CSMD2: variants seen among roughly 807,000 people sequenced by gnomAD.
The protein encoded by CSMD2 is CUB and Sushi multiple domains 2, also known as CUB and sushi domain-containing protein 2.
CSMD2 carries 130 observed loss-of-function variants against 398.5 expected under a neutral mutation model. That is an observed-to-expected ratio of 0.33 (90% CI 0.28 to 0.38). The LOEUF (loss-of-function observed/expected upper bound fraction) is 0.38. CSMD2 is among the 10% of genes least tolerant of loss of function. The pLI, the probability that CSMD2 is intolerant of heterozygous loss-of-function variation, is 1.00. For synonymous variants in CSMD2, 1,828 were observed against 1,908.5 expected, an observed-to-expected ratio of 0.96 and a Z score of 1.10; for missense variants, 3,829 against 4,764.9, an observed-to-expected ratio of 0.80 and a Z score of 5.78.
intron 1 of CSMD2, among the ~76,000 whole-genome samples, chr1:34,148,829 ACT>A (rs1342133579): frequency 6.6e-6 from 1 of 152,110 alleles, no homozygotes; most frequent in Non-Finnish European, 1.5e-5. Context: ...TGCTTCTCAG[ACT>A]CTCACAGGCA....
chr1:33,945,819 C>T (rs543715058), intron 3 of CSMD2, among the ~76,000 whole-genome samples: 31 of 152,202 alleles, frequency 2.0e-4, no homozygotes, highest in Middle Eastern at 3.4e-3. Flanking sequence ...CGATCTGCCC[C>T]GACAGCACCC....
At chr1:33,674,410 A>G (rs1035462440) in intron 25 of CSMD2, among the ~76,000 whole-genome samples, 4 of 152,176 alleles carry the variant, frequency 2.6e-5, no homozygotes, top group Admixed American at 2.0e-4. Context: ...GGAGCTAACT[A>G]TCCTAAATAT....
chr1:33,526,044 T>C (rs1654745805), intron 65 of CSMD2, among the ~76,000 whole-genome samples: 1 of 152,238 alleles, frequency 6.6e-6, no homozygotes, highest in Non-Finnish European at 1.5e-5. Context: ...AGATGATGGG[T>C]ATGTTAATTA....
intron 1 of CSMD2, among the ~76,000 whole-genome samples, chr1:34,129,791 G>C (rs1391203214): frequency 2.0e-5 from 3 of 152,226 alleles, no homozygotes; most frequent in Non-Finnish European, 4.4e-5. Context: ...TGCACACACA[G>C]AGCATCCGGC....
intron 46 of CSMD2, among the ~76,000 whole-genome samples, chr1:33,584,414 GT>G (rs1317366647): frequency 2.2e-4 from 34 of 152,282 alleles, no homozygotes; most frequent in Non-Finnish European, 4.0e-4. Flanking sequence ...GCTCATGCCT[GT>G]AATCCCAGCG....
chr1:33,517,614 A>T (rs1323339657), intron 70 of CSMD2, among the ~76,000 whole-genome samples: 1 of 152,232 alleles, frequency 6.6e-6, no homozygotes, highest in Non-Finnish European at 1.5e-5. Flanking sequence ...GGGCATACAG[A>T]TGAAACTTGA....
At chr1:33,884,099 C>CT (rs1641421745) in intron 5 of CSMD2, among the ~76,000 whole-genome samples, 2 of 152,050 alleles carry the variant, frequency 1.3e-5, no homozygotes, top group Non-Finnish European at 2.9e-5. Flanking sequence ...GCGCAATCAA[C>CT]TCCATGCCCA....
intron 28 of CSMD2, among the ~76,000 whole-genome samples, chr1:33,649,173 T>A (rs1201900920): frequency 6.6e-6 from 1 of 152,156 alleles, no homozygotes; most frequent in African/African-American, 2.4e-5. Context: ...TGTGCAAAGA[T>A]GAAAACAATA....
chr1:33,824,050 G>T (rs994519465), intron 7 of CSMD2, among the ~76,000 whole-genome samples: 3 of 152,126 alleles, frequency 2.0e-5, no homozygotes, highest in Admixed American at 1.3e-4. Context: ...GGCAGGGTAG[G>T]ATTTTGCATC....
intron 15 of CSMD2, among the ~76,000 whole-genome samples, chr1:33,734,398 C>CCAGGCTG (rs1646816998): frequency 6.6e-6 from 1 of 152,086 alleles, no homozygotes; most frequent in South Asian, 2.1e-4. Context: ...GCTCTGTCGC[C>CCAGGCTG]CAGGCTGGAG....
intron 2 of CSMD2, among the ~76,000 whole-genome samples, chr1:34,052,689 A>C (rs1303399645): frequency 6.6e-6 from 1 of 152,180 alleles, no homozygotes; most frequent in Non-Finnish European, 1.5e-5. Flanking sequence ...ATTTAGAACA[A>C]GAAGGACTGT....
At chr1:33,904,517 C>G (rs1642960577) in intron 5 of CSMD2, among the ~76,000 whole-genome samples, 2 of 152,144 alleles carry the variant, frequency 1.3e-5, no homozygotes, top group Non-Finnish European at 2.9e-5. Flanking sequence ...TCTGGGTATT[C>G]TTCTTTAATG....
intron 4 of CSMD2, among the ~76,000 whole-genome samples, chr1:33,930,002 T>G (rs1466574643): frequency 6.6e-6 from 1 of 152,206 alleles, no homozygotes; most frequent in East Asian, 1.9e-4. Flanking sequence ...TACCACCACC[T>G]GTTTATTTGG....
chr1:34,052,847 C>T (rs1168339184), intron 2 of CSMD2, among the ~76,000 whole-genome samples: 1 of 152,014 alleles, frequency 6.6e-6, no homozygotes, highest in African/African-American at 2.4e-5. Context: ...TGGCAGCAAG[C>T]GCTTTTGAGG....
intron 3 of CSMD2, among the ~76,000 whole-genome samples, chr1:33,995,623 C>T (rs568587090): frequency 4.6e-5 from 7 of 152,326 alleles, no homozygotes; most frequent in African/African-American, 1.7e-4. Context: ...GACAGAAAAA[C>T]ATGGCAGCTA....
chr1:33,605,954 CAGGA>C (rs1378331994), intron 41 of CSMD2: 1 of 1,613,724 alleles, frequency 6.2e-7, no homozygotes, highest in East Asian at 2.2e-5. Flanking sequence ...CAAAACCTCT[CAGGA>C]AGGAAGAAAT....
intron 6 of CSMD2, among the ~76,000 whole-genome samples, chr1:33,827,594 C>T (rs1166194350): frequency 6.6e-6 from 1 of 152,184 alleles, no homozygotes; most frequent in Non-Finnish European, 1.5e-5. Context: ...ACATACTATA[C>T]CATTTATGTA....
intron 39 of CSMD2, 51 bp from the exon 40 acceptor site, chr1:33,614,671 A>G (rs1396078154): frequency 2.9e-6 from 3 of 1,050,854 alleles, no homozygotes; most frequent in Non-Finnish European, 4.4e-6. Context: ...AGGGGTGTAC[A>G]GGGCCCTGCC....
At chr1:33,841,269 G>C (rs1409948083) in intron 6 of CSMD2, among the ~76,000 whole-genome samples, 2 of 152,164 alleles carry the variant, frequency 1.3e-5, no homozygotes, top group Non-Finnish European at 2.9e-5. Flanking sequence ...GTCTAAGGGA[G>C]AGCCAGAGGC....
Sources: allele counts gnomAD v4.1 joint callset (sites outside exome capture counted in the v4.1 genomes callset), GRCh38; gene constraint gnomAD v4.1.1; transcripts MANE v1.5; gene names NCBI Gene and HGNC (gene_info 2026-07-23, HGNC 2026-07-21).